RPS6KC1: variants seen among roughly 807,000 people sequenced by gnomAD.
The protein encoded by RPS6KC1 is inactive ribosomal protein S6 kinase delta-1.
In RPS6KC1, 54 loss-of-function variants were observed where a neutral mutation model predicts 103.8. The observed-to-expected ratio is 0.52, with a 90% CI of 0.42 to 0.65. The LOEUF (loss-of-function observed/expected upper bound fraction) is 0.65, where lower values mean the gene tolerates loss of function less well. RPS6KC1 is among the 30% of genes least tolerant of loss of function. The pLI is 0.00. For missense variants in RPS6KC1, 1,151 were observed against 1,253.8 expected (o/e 0.92, Z 1.24); for synonymous variants, 439 against 438.7 (o/e 1.00, Z -0.01).
the RPS6KC1 span, among the ~76,000 whole-genome samples, chr1:213,301,698 C>CTTACTTAT: frequency 2.8e-3 from 399 of 141,252 alleles, 1 homozygote; most frequent in African/African-American, 6.3e-3. Flanking sequence ...GACCCATTTA[C>CTTACTTAT]TTATTTATTT....
At chr1:213,265,511 A>G (rs967206572) in intron 14 of RPS6KC1, among the ~76,000 whole-genome samples, 1 of 152,244 alleles carries the variant, frequency 6.6e-6, no homozygotes, top group Non-Finnish European at 1.5e-5. Context: ...TGTTAGATTT[A>G]TATTAAAATG....
At chr1:213,718,969 T>G in the RPS6KC1 span, among the ~76,000 whole-genome samples, 4 of 152,224 alleles carry the variant, frequency 2.6e-5, no homozygotes, top group East Asian at 7.7e-4. Flanking sequence ...CAGCCCCGCC[T>G]TCAAAGAAAT....
At chr1:213,552,899 A>T in the RPS6KC1 span, among the ~76,000 whole-genome samples, 319 of 152,230 alleles carry the variant, frequency 2.1e-3, 7 homozygotes, top group East Asian at 0.051. Context: ...ACCTTCAAGC[A>T]CTACTGATCC....
chr1:213,192,878 T>G (rs1396833747), intron 8 of RPS6KC1, among the ~76,000 whole-genome samples: 2 of 152,220 alleles, frequency 1.3e-5, no homozygotes, highest in African/African-American at 4.8e-5. Context: ...CCATAGATTT[T>G]GGGATGTTGT....
At chr1:213,383,751 T>G in the RPS6KC1 span, among the ~76,000 whole-genome samples, 1 of 122,776 alleles carries the variant, frequency 8.1e-6, no homozygotes. Flanking sequence ...ACCCCTACCC[T>G]TCCCTGCATG....
At chr1:213,258,323 C>G (rs1462969769) in intron 12 of RPS6KC1, among the ~76,000 whole-genome samples, 1 of 152,130 alleles carries the variant, frequency 6.6e-6, no homozygotes, top group Non-Finnish European at 1.5e-5. Flanking sequence ...AGGCTGGTCT[C>G]AAACTCCTGA....
At chr1:213,392,617 C>A in the RPS6KC1 span, among the ~76,000 whole-genome samples, 2 of 152,210 alleles carry the variant, frequency 1.3e-5, no homozygotes, top group Admixed American at 6.5e-5. Flanking sequence ...AAAGCCACAT[C>A]TTATGCATCT....
the RPS6KC1 span, among the ~76,000 whole-genome samples, chr1:213,330,241 C>G: frequency 2.0e-5 from 3 of 152,252 alleles, no homozygotes; most frequent in Non-Finnish European, 2.9e-5. Context: ...CCCCTCATCT[C>G]CAAGTTGGGT....
At chr1:213,819,400 C>A in the RPS6KC1 span, 3 of 152,212 alleles carry the variant, frequency 2.0e-5, no homozygotes, top group Non-Finnish European at 4.4e-5. Flanking sequence ...AATGTGTTTA[C>A]AAATGAAAAT....
the RPS6KC1 span, among the ~76,000 whole-genome samples, chr1:213,764,873 C>T: frequency 3.9e-5 from 6 of 152,296 alleles, no homozygotes; most frequent in African/African-American, 1.2e-4. Context: ...GTCAGGCTTG[C>T]CCCTCTCACC....
At chr1:213,059,186 C>T (rs1422900291) in intron 1 of RPS6KC1, among the ~76,000 whole-genome samples, 1 of 152,148 alleles carries the variant, frequency 6.6e-6, no homozygotes, top group Admixed American at 6.5e-5. Context: ...ATACATGTGC[C>T]ATGTTGGTGT....
intron 1 of RPS6KC1, among the ~76,000 whole-genome samples, chr1:213,055,966 G>C (rs756943553): frequency 2.0e-5 from 3 of 152,026 alleles, no homozygotes; most frequent in Non-Finnish European, 4.4e-5. Context: ...GTGCAGTGAC[G>C]CAATCATAGC....
intron 3 of RPS6KC1, among the ~76,000 whole-genome samples, chr1:213,094,264 C>T (rs768144113): frequency 6.6e-6 from 1 of 152,140 alleles, no homozygotes; most frequent in East Asian, 1.9e-4. Context: ...CATCCCTACT[C>T]CCCATGTTTC....
chr1:213,386,078 T>C, the RPS6KC1 span, among the ~76,000 whole-genome samples: 1 of 152,174 alleles, frequency 6.6e-6, no homozygotes, highest in African/African-American at 2.4e-5. Flanking sequence ...GGATTCCTCA[T>C]GAATGGCTTG....
chr1:213,408,509 G>A, the RPS6KC1 span, among the ~76,000 whole-genome samples: 1 of 152,178 alleles, frequency 6.6e-6, no homozygotes, highest in African/African-American at 2.4e-5. Flanking sequence ...TGAAAATTTG[G>A]ATGGACCTCA....
At chr1:213,493,624 C>T in the RPS6KC1 span, among the ~76,000 whole-genome samples, 2 of 152,200 alleles carry the variant, frequency 1.3e-5, no homozygotes, top group South Asian at 4.1e-4. Context: ...TATATAAGTG[C>T]CAACCTAAAA....
chr1:213,242,080 T>G lies in RPS6KC1; in HGVS notation c.2604T>G (p.Thr868=). 6.2e-7 allele frequency: 1 copy of G among 1,613,960 alleles called. No homozygotes were observed. ...PTSLFQRDSE[T]KGESGLVLEG... ...CTTTATTCCAGAGAGACTCTGAGAC[T>G]AAGGGTGAAAGTGGTTTAGTGCTAG... Residue 868 remains threonine, a synonymous_variant, in exon 11 of 15, where the codon ACT becomes ACG. Coordinates refer to ENST00000366960, the MANE Select transcript of RPS6KC1 (RefSeq NM_012424.6).
the RPS6KC1 span, among the ~76,000 whole-genome samples, chr1:213,573,737 T>A: frequency 6.6e-6 from 1 of 152,158 alleles, no homozygotes; most frequent in East Asian, 1.9e-4. Flanking sequence ...TGGTGCCCTT[T>A]GAAGGGACAG....
the RPS6KC1 span, among the ~76,000 whole-genome samples, chr1:213,583,833 A>G: frequency 8.4e-5 from 12 of 143,218 alleles, no homozygotes; most frequent in Non-Finnish European, 1.7e-4. Flanking sequence ...AAAAAAAAAA[A>G]AAAAAGAAAA....
Sources: gnomAD v4.1 joint callset for allele counts (sites outside exome capture counted in the v4.1 genomes callset) on GRCh38, gnomAD v4.1.1 for gene constraint, MANE v1.5 for transcripts, NCBI Gene and HGNC (gene_info 2026-07-23, HGNC 2026-07-21) for gene names.